DPH6: variants seen among roughly 807,000 people sequenced by gnomAD.
The protein encoded by DPH6 is diphthine--ammonia ligase.
Under a neutral mutation model 38.2 loss-of-function variants are expected in DPH6, and 33 were observed. The ratio of observed to expected loss-of-function variants is 0.86; its 90% CI spans 0.65 to 1.15. The LOEUF (loss-of-function observed/expected upper bound fraction) is 1.15, where lower values mean the gene tolerates loss of function less well. Ranked by LOEUF, DPH6 falls within the 50% of genes most tolerant of loss-of-function variation. The pLI is 0.00. For missense variants in DPH6, 325 were observed against 320.0 expected, an observed-to-expected ratio of 1.02 and a Z score of -0.12; for synonymous variants, 108 against 103.0, an observed-to-expected ratio of 1.05 and a Z score of -0.30.
exon 4 of DPH6, chr15:35,218,232 A>C (rs1398092491): frequency 6.6e-6 from 1 of 152,214 alleles, no homozygotes; most frequent in Non-Finnish European, 1.5e-5. Flanking sequence ...TTTCAACCAA[A>C]CTTCAAGTAT....
chr15:35,196,874 C>A, the DPH6 span, among the ~76,000 whole-genome samples: 2,182 of 152,196 alleles, frequency 0.014, 50 homozygotes, highest in African/African-American at 0.05. Context: ...AAACTATTAC[C>A]ATGTTTAAAT....
chr15:35,179,052 C>T, the DPH6 span, among the ~76,000 whole-genome samples: 2 of 151,252 alleles, frequency 1.3e-5, no homozygotes, highest in South Asian at 2.1e-4. Context: ...ACTAAAAATA[C>T]AAAATTAGCC....
Position 35,348,873 on chromosome 15 carries a change from ACTATAT to A in DPH6, n.208-17802_208-17797del, listed in dbSNP as rs200696094. 3.7e-3 allele frequency among the ~76,000 whole-genome samples: 566 copies of A among 152,208 alleles called. 2 individuals are homozygous for A. Among genetic ancestry groups the A allele is most frequent in the African/African-American group, 0.012 (481 of 41,566 alleles). On this transcript the variant is annotated intron_variant and non_coding_transcript_variant, in intron 3 of 3. Transcript: ENST00000558973. ...TATACGTTTTTTTCCTCCTGGAGCA[ACTATAT>A]CTATAAGTATGCTATTCTTTTTGAT... is the stretch of plus-strand genomic sequence containing the variant.
At chr15:35,287,442 A>G (rs905143263) in intron 3 of DPH6, among the ~76,000 whole-genome samples, 3 of 152,188 alleles carry the variant, frequency 2.0e-5, no homozygotes, top group Admixed American at 1.3e-4. Flanking sequence ...AATGTTTTTT[A>G]AAAACTTCGC....
Position 35,468,937 on chromosome 15 carries a change from A to G in DPH6, c.313-14117T>C, listed in dbSNP as rs890158801. Among the ~76,000 whole-genome samples, 11 of 152,132 alleles carry G rather than the reference A, an allele frequency of 7.2e-5. 1 individual carries two copies. Among genetic ancestry groups the G allele is most frequent in the Admixed American group, 7.2e-4 (11 of 15,272 alleles). ...ACGAAAATTAGCTGGGCATGATGGC[A>G]GGTGCCTGTAATCCCAGTTACTTGG... On this transcript the variant is annotated intron_variant, in intron 3 of 8. Coordinates refer to ENST00000256538, the MANE Select transcript of DPH6 (RefSeq NM_080650.4).
chr15:35,480,725 G>C (rs1400069381), intron 3 of DPH6, among the ~76,000 whole-genome samples: 1 of 151,690 alleles, frequency 6.6e-6, no homozygotes, highest in African/African-American at 2.4e-5. Flanking sequence ...TGGATATATA[G>C]TCTTTAAAAT....
At chr15:35,445,596 G>A (rs1054390976) in intron 5 of DPH6, among the ~76,000 whole-genome samples, 3 of 151,982 alleles carry the variant, frequency 2.0e-5, no homozygotes, top group Non-Finnish European at 4.4e-5. Flanking sequence ...GGTATGTCAT[G>A]CATGCATGAA....
At chr15:35,335,243 T>C (rs1336519205) in intron 3 of DPH6, among the ~76,000 whole-genome samples, 2 of 152,264 alleles carry the variant, frequency 1.3e-5, no homozygotes, top group East Asian at 3.8e-4. Flanking sequence ...CACTTTTTAA[T>C]GGGGTTATTT....
intron 3 of DPH6, among the ~76,000 whole-genome samples, chr15:35,518,486 T>C (rs2054877941): frequency 1.3e-5 from 2 of 151,972 alleles, no homozygotes. Flanking sequence ...TAAACTCCTG[T>C]TTTGTTTTGT....
intron 6 of DPH6, among the ~76,000 whole-genome samples, chr15:35,394,182 G>A (rs2053097770): frequency 6.6e-6 from 1 of 151,962 alleles, no homozygotes; most frequent in South Asian, 2.1e-4. Context: ...TGCACTCCAT[G>A]GCTTCAAACA....
the DPH6 span, among the ~76,000 whole-genome samples, chr15:35,207,110 G>A: frequency 7.2e-6 from 1 of 139,722 alleles, no homozygotes; most frequent in South Asian, 2.3e-4. Flanking sequence ...GCAGAGGTGC[G>A]ATCATAGCTC....
intron 3 of DPH6, among the ~76,000 whole-genome samples, chr15:35,333,174 T>A (rs1025498211): frequency 6.6e-6 from 1 of 152,096 alleles, no homozygotes; most frequent in Non-Finnish European, 1.5e-5. Flanking sequence ...GTGAGCAGTT[T>A]ATCTATTGAT....
At chr15:35,265,840 C>A (rs1435171909) in intron 3 of DPH6, among the ~76,000 whole-genome samples, 2 of 152,154 alleles carry the variant, frequency 1.3e-5, no homozygotes, top group Non-Finnish European at 2.9e-5. Flanking sequence ...ATATGATAGT[C>A]ATGGCGTAGC....
the DPH6 span, among the ~76,000 whole-genome samples, chr15:35,148,637 A>G: frequency 6.6e-6 from 1 of 152,190 alleles, no homozygotes; most frequent in South Asian, 2.1e-4. Flanking sequence ...TGTATAATTC[A>G]TAAAGGCAAA....
At chr15:35,321,075 G>C (rs980576941) in intron 3 of DPH6, among the ~76,000 whole-genome samples, 6 of 152,220 alleles carry the variant, frequency 3.9e-5, no homozygotes, top group African/African-American at 1.2e-4. Context: ...CTGGTCCCAT[G>C]ATGACCTCTG....
At position 35,332,504 on chromosome 15, in the gene DPH6, A is replaced by C. The variant is rs192887570; in HGVS notation, n.208-1427T>G. On this transcript the variant is annotated intron_variant and non_coding_transcript_variant, in intron 3 of 3. Transcript: ENST00000558973. The stretch of plus-strand genomic sequence containing the variant: ...TTCACATTTTTCAACTGGTTGTTTT[A>C]GCATCATGAACACATTGTCTTAATT... Among the ~76,000 whole-genome samples the C allele has an allele frequency of 2.0e-5, 3 of 152,300 alleles. No individual in the cohort carries two copies. The East Asian group carries it at 5.8e-4, about 29-fold the overall frequency.
chr15:35,250,134 C>T (rs752687192), intron 3 of DPH6, among the ~76,000 whole-genome samples: 5 of 151,526 alleles, frequency 3.3e-5, no homozygotes, highest in Admixed American at 6.6e-5. Flanking sequence ...GCCGAGATCG[C>T]GCCACTGCAC....
At chr15:35,460,119 T>A (rs1187801442) in intron 3 of DPH6, among the ~76,000 whole-genome samples, 2 of 152,152 alleles carry the variant, frequency 1.3e-5, no homozygotes, top group Non-Finnish European at 2.9e-5. Flanking sequence ...AGGGGGTTGA[T>A]TATGACCATT....
chr15:35,166,178 G>C, the DPH6 span, among the ~76,000 whole-genome samples: 11 of 151,850 alleles, frequency 7.2e-5, no homozygotes, highest in African/African-American at 2.7e-4. Flanking sequence ...CTCTCATGTG[G>C]GAGGTGCCCT....
Sources: gnomAD v4.1 joint callset for allele counts (sites outside exome capture counted in the v4.1 genomes callset) on GRCh38, gnomAD v4.1.1 for gene constraint, MANE v1.5 for transcripts, NCBI Gene and HGNC (gene_info 2026-07-23, HGNC 2026-07-21) for gene names.